Variants in R3HDM2 observed in about 807,000 individuals in gnomAD.
The protein encoded by R3HDM2 is R3H domain containing 2.
R3HDM2 carries 38 observed loss-of-function variants against 124.5 expected under a neutral mutation model. The observed-to-expected ratio is 0.31, with a 90% CI of 0.24 to 0.40. The LOEUF is 0.40. R3HDM2 is among the 10% of genes least tolerant of loss of function. The probability of loss-of-function intolerance (pLI) is 1.00; values close to 1 mark genes in which losing one functional copy is unlikely to be tolerated. For missense variants in R3HDM2, 869 were observed against 1,236.9 expected, an observed-to-expected ratio of 0.70 and a Z score of 4.46; for synonymous variants, 391 against 448.0, an observed-to-expected ratio of 0.87 and a Z score of 1.61.
intron 2 of R3HDM2, among the ~76,000 whole-genome samples, chr12:57,357,644 AT>A (rs35477289): frequency 0.32 from 41,280 of 127,336 alleles, 6,151 homozygotes; most frequent in South Asian, 0.41. Context: ...AGTTTTGCTG[AT>A]TTTTTTTTTT....
rs188109520 is a variant in R3HDM2 at position 57,290,718 on chromosome 12, A to G, written c.907-1678T>C. 9.3e-3 allele frequency among the ~76,000 whole-genome samples: 1,413 copies of G among 152,116 alleles called. 10 individuals carry two copies. The highest frequency in any genetic ancestry group is 0.019 in the Admixed American group (283 of 15,280). The stretch of plus-strand genomic sequence containing the variant: ...AACCTCTGCCTCCTGGGTTCAAGTG[A>G]TTTCCTGCCTCAGCCCCCTGAGTAG... On this transcript the variant is annotated intron_variant, in intron 11 of 23. Coordinates refer to ENST00000402412, the MANE Select transcript of R3HDM2 (RefSeq NM_001394031.1).
chr12:57,262,345 T>A (rs1031738562), intron 19 of R3HDM2, among the ~76,000 whole-genome samples: 2 of 152,114 alleles, frequency 1.3e-5, no homozygotes, highest in Non-Finnish European at 2.9e-5. Context: ...TCACTGTGAG[T>A]TGGGAGTCTC....
chr12:57,321,095 A>G (rs2056378943), intron 2 of R3HDM2, among the ~76,000 whole-genome samples: 1 of 152,232 alleles, frequency 6.6e-6, no homozygotes, highest in African/African-American at 2.4e-5. Context: ...AGACTGAACT[A>G]TAGGCTGAGC....
chr12:57,427,569 C>T (rs1465333886), intron 1 of R3HDM2, among the ~76,000 whole-genome samples: 3 of 151,050 alleles, frequency 2.0e-5, no homozygotes, highest in South Asian at 4.2e-4. Context: ...AGGCTGGTCT[C>T]GAACTTCTAA....
At chr12:57,411,324 C>T (rs776786101) in intron 1 of R3HDM2, among the ~76,000 whole-genome samples, 5 of 152,152 alleles carry the variant, frequency 3.3e-5, no homozygotes, top group Non-Finnish European at 7.3e-5. Flanking sequence ...CAAGTGTCCA[C>T]CATCACACTC....
At chr12:57,362,325 A>G (rs1160869724) in intron 2 of R3HDM2, among the ~76,000 whole-genome samples, 1 of 152,202 alleles carries the variant, frequency 6.6e-6, no homozygotes, top group East Asian at 1.9e-4. Context: ...CTTTCACTTA[A>G]TAGTAAATGT....
chr12:57,386,529 C>T (rs1260956188), intron 2 of R3HDM2, among the ~76,000 whole-genome samples: 2 of 152,242 alleles, frequency 1.3e-5, no homozygotes, highest in Non-Finnish European at 2.9e-5. Flanking sequence ...GGACCTGCAG[C>T]CCGCCATGCC....
chr12:57,268,829 T>C, intron 17 of R3HDM2, 93 bp downstream of exon 17: 2 of 1,410,586 alleles, frequency 1.4e-6, no homozygotes, highest in Non-Finnish European at 1.9e-6. Flanking sequence ...ACTATTTTAG[T>C]ATTGGAGTTT....
chr12:57,265,057 TGG>T lies in R3HDM2; in HGVS notation c.2131+1672_2131+1673del, dbSNP rs1367922117. ...TTGGCAAAGGCAGTGAAAGGCTGCA[TGG>T]CATAAACTTATTAACTTGGAATGGC... On this transcript the variant is annotated intron_variant, in intron 19 of 23. Coordinates refer to ENST00000402412, the MANE Select transcript of R3HDM2 (RefSeq NM_001394031.1). Among the ~76,000 whole-genome samples, 40 of 152,328 alleles carry T rather than the reference TGG, an allele frequency of 2.6e-4. 1 individual carries two copies. The highest frequency in any genetic ancestry group is 9.4e-4 in the African/African-American group (39 of 41,586).
intron 1 of R3HDM2, among the ~76,000 whole-genome samples, chr12:57,422,137 C>A (rs1297710866): frequency 6.6e-6 from 1 of 151,688 alleles, no homozygotes; most frequent in Admixed American, 6.6e-5. Context: ...CCATCTATCC[C>A]TCTGCACTTG....
intron 14 of R3HDM2, chr12:57,272,470 G>A: frequency 6.4e-7 from 1 of 1,550,730 alleles, no homozygotes; most frequent in Non-Finnish European, 8.7e-7. Context: ...TACTGCTGGG[G>A]CGGAGAGACT....
chr12:57,402,772 A>G (rs1379715598), intron 1 of R3HDM2, among the ~76,000 whole-genome samples: 1 of 151,846 alleles, frequency 6.6e-6, no homozygotes, highest in East Asian at 1.9e-4. Context: ...TCTGTCTCCA[A>G]AAAAAAACTC....
rs142152974 is a variant in R3HDM2, at chr12:57,338,725, G to A, written c.-35-28262C>T. Among the ~76,000 whole-genome samples the A allele has an allele frequency of 1.8e-4, 27 of 151,752 alleles. 1 individual carries two copies. The highest frequency in any genetic ancestry group is 5.8e-4 in the African/African-American group (24 of 41,374). ...ATGTTCATTTTAAAAACTCAATCTC[G>A]TACATGGCTTGAAAATCTCTTATGG... is the stretch of plus-strand genomic sequence containing the variant. On this transcript the variant is annotated intron_variant, in intron 2 of 23. Transcript: ENST00000402412.
chr12:57,406,139 T>G (rs1379596866), intron 1 of R3HDM2, among the ~76,000 whole-genome samples: 1 of 152,032 alleles, frequency 6.6e-6, no homozygotes, highest in Non-Finnish European at 1.5e-5. Context: ...CTGACCGACA[T>G]GGTGAAACCC....
chr12:57,355,337 T>TA (rs2061149128), intron 2 of R3HDM2, among the ~76,000 whole-genome samples: 1 of 150,790 alleles, frequency 6.6e-6, no homozygotes, highest in African/African-American at 2.4e-5. Context: ...CAGGCGCCTA[T>TA]AGTCCCAACT....
rs1001465915 is a variant in R3HDM2, at chr12:57,418,214, C to T, written c.-106+12506G>A. 2.1e-5 allele frequency: 21 copies of T among 985,366 alleles called. No individual in the cohort carries two copies. The African/African-American group carries it at 3.3e-4, about 16-fold the overall frequency. 61.0% of individuals were successfully genotyped at this position (985,366 alleles called of 1,614,324 possible). ...AGCGTCATCCATCCACAATTCCTCCCCTCTTCCCACATTTAAACAATCTCC... is the reference window on the plus strand; with the variant it reads ...AGCGTCATCCATCCACAATTCCTCCTCTCTTCCCACATTTAAACAATCTCC... On this transcript the variant is annotated intron_variant, in intron 1 of 23. Coordinates refer to ENST00000402412, the MANE Select transcript of R3HDM2 (RefSeq NM_001394031.1).
intron 2 of R3HDM2, among the ~76,000 whole-genome samples, chr12:57,313,328 G>A (rs1348138659): frequency 6.6e-6 from 1 of 152,172 alleles, no homozygotes; most frequent in Non-Finnish European, 1.5e-5. Context: ...GGGAGGCTGA[G>A]CCAGCAGGAT....
At chr12:57,407,385 T>C (rs990124035) in intron 1 of R3HDM2, among the ~76,000 whole-genome samples, 4 of 152,046 alleles carry the variant, frequency 2.6e-5, no homozygotes, top group African/African-American at 7.2e-5. Flanking sequence ...ACACCAGATA[T>C]TTAATATTAA....
chr12:57,301,275 G>T (rs1337282110), intron 4 of R3HDM2, among the ~76,000 whole-genome samples: 2 of 151,962 alleles, frequency 1.3e-5, no homozygotes. Context: ...CCCTCCTAGG[G>T]ACCCACCCAA....
Sources: allele counts gnomAD v4.1 joint callset (sites outside exome capture counted in the v4.1 genomes callset), GRCh38; gene constraint gnomAD v4.1.1; transcripts MANE v1.5; gene names NCBI Gene and HGNC (gene_info 2026-07-23, HGNC 2026-07-21).